Variants in DCBLD1 observed in about 807,000 individuals in gnomAD.
DCBLD1 encodes the protein discoidin, CUB and LCCL domain containing 1, also known as discoidin, CUB and LCCL domain-containing protein 1.
DCBLD1 carries 57 observed loss-of-function variants against 71.5 expected under a neutral mutation model. The observed-to-expected ratio is 0.80, with a 90% confidence interval of 0.64 to 0.99. The LOEUF is 0.99. Among genes scored for constraint, DCBLD1 ranks in the 50% least tolerant of loss-of-function variants. The pLI is 0.00. For synonymous variants in DCBLD1, 380 were observed against 363.8 expected, an observed-to-expected ratio of 1.04 and a Z score of -0.51; for missense variants, 891 against 923.5, an observed-to-expected ratio of 0.96 and a Z score of 0.46.
downstream of DCBLD1, among the ~76,000 whole-genome samples, chr6:117,552,563 T>G (rs1033692683): frequency 6.6e-6 from 1 of 152,218 alleles, no homozygotes; most frequent in Non-Finnish European, 1.5e-5. Context: ...CTTTTTCTTT[T>G]TGCTGTGACA....
intron 1 of DCBLD1, among the ~76,000 whole-genome samples, chr6:117,493,179 T>G (rs374936807): frequency 2.0e-4 from 30 of 152,182 alleles, no homozygotes; most frequent in African/African-American, 7.0e-4. Flanking sequence ...TAAGGAGGGC[T>G]TTTTCAGTCT....
chr6:117,484,485 A>G (rs900583446), intron 1 of DCBLD1, among the ~76,000 whole-genome samples: 25 of 151,972 alleles, frequency 1.6e-4, no homozygotes, highest in Admixed American at 5.9e-4. Context: ...AGTAGCTGAC[A>G]CTACAGGTGC....
intron 13 of DCBLD1, 41 bp downstream of exon 13, chr6:117,544,618 G>A (rs1416506546): frequency 6.2e-7 from 1 of 1,609,684 alleles, no homozygotes. Context: ...CTGTCTTTGA[G>A]GAAGGGACAG....
At chr6:117,510,968 C>A (rs1444956882) in intron 2 of DCBLD1, among the ~76,000 whole-genome samples, 1 of 152,162 alleles carries the variant, frequency 6.6e-6, no homozygotes, top group Non-Finnish European at 1.5e-5. Flanking sequence ...GGTCCTGTTA[C>A]CAACCTTTAC....
intron 9 of DCBLD1, 118 bp downstream of exon 9, chr6:117,539,497 G>A: frequency 8.4e-7 from 1 of 1,188,878 alleles, no homozygotes; most frequent in Non-Finnish European, 1.1e-6. Flanking sequence ...CAAGCATGGT[G>A]GTTCATGCCT....
chr6:117,536,234 T>C (rs1778877363), intron 6 of DCBLD1, among the ~76,000 whole-genome samples: 1 of 152,240 alleles, frequency 6.6e-6, no homozygotes, highest in Admixed American at 6.5e-5. Context: ...CACTCTGAGA[T>C]TGTAAAATAG....
chr6:117,544,646 C>A, intron 13 of DCBLD1, 69 bp downstream of exon 13: 1 of 1,559,284 alleles, frequency 6.4e-7, no homozygotes. Flanking sequence ...TGATTGAAAG[C>A]ATAAGGAGGC....
At position 117,529,464 on chromosome 6, in the gene DCBLD1, A is replaced by G. The variant is rs540258403; in HGVS notation, c.586-2796A>G. Among the ~76,000 whole-genome samples, 25 of 152,212 alleles carry G rather than the reference A, an allele frequency of 1.6e-4. No homozygotes were observed. The South Asian group carries it at 5.0e-3, about 30-fold the overall frequency. ...TACATATGCTAGGTAATATGTACCC[A>G]TGTACATGGGTTAAGTAATATGGCT... On this transcript the variant is annotated intron_variant, in intron 5 of 14. Transcript: ENST00000338728.
rs943841899 is a variant in DCBLD1, at chr6:117,517,750, G to A, written c.326-2066G>A. ...CTTGCACCCTCTGAAGTCCTGGCCCGAGTTCTACGTTGTCCCCTTCCAGCC... is the reference window on the plus strand; with the variant it reads ...CTTGCACCCTCTGAAGTCCTGGCCCAAGTTCTACGTTGTCCCCTTCCAGCC... On this transcript the variant is annotated intron_variant, in intron 2 of 14. Coordinates refer to ENST00000338728, the MANE Select transcript of DCBLD1 (RefSeq NM_001366458.2). Among the ~76,000 whole-genome samples the A allele has an allele frequency of 5.3e-5, 8 of 152,292 alleles. No individual in the cohort carries two copies. The East Asian group carries it at 5.8e-4, about 11-fold the overall frequency.
downstream of DCBLD1, among the ~76,000 whole-genome samples, chr6:117,551,477 T>C (rs1011211301): frequency 1.3e-5 from 2 of 152,078 alleles, no homozygotes; most frequent in African/African-American, 2.4e-5. Context: ...CCTCCCAGGT[T>C]CATGCCATTC....
At chr6:117,500,661 T>C (rs1303943178) in intron 1 of DCBLD1, among the ~76,000 whole-genome samples, 1 of 152,116 alleles carries the variant, frequency 6.6e-6, no homozygotes, top group Non-Finnish European at 1.5e-5. Flanking sequence ...GGTCAGGAGA[T>C]CGAGACCATC....
At chr6:117,563,356 TG>T (rs1382933934) in intron 14 of DCBLD1, 1 of 1,613,692 alleles carries the variant, frequency 6.2e-7, no homozygotes, top group Non-Finnish European at 8.5e-7. Flanking sequence ...CATTTTCATG[TG>T]TGTCAGTTAC....
chr6:117,490,123 A>ACACACACACACC (rs974391077), intron 1 of DCBLD1, among the ~76,000 whole-genome samples: 1 of 147,826 alleles, frequency 6.8e-6, no homozygotes, highest in African/African-American at 2.5e-5. Flanking sequence ...ACACACACAC[A>ACACACACACACC]CCCCTATAGC....
Position 117,548,192 on chromosome 6 carries a change from TCTC to T in DCBLD1, c.1905_1907del (p.Ser636del). On this transcript the variant is annotated inframe_deletion, in exon 15 of 15. Transcript: ENST00000338728. ...CCCCAGCCCGGCCACAAACACTCCC[TCTC>T]CTCGGGCGGCTTCTCCCCCGTAGCG... 3.2e-6 allele frequency: 5 copies of T among 1,550,192 alleles called. No homozygotes were observed. The highest frequency in any genetic ancestry group is 4.4e-6 in the Non-Finnish European group (5 of 1,146,894).
At chr6:117,513,873 A>G (rs1323079399) in intron 2 of DCBLD1, among the ~76,000 whole-genome samples, 1 of 152,166 alleles carries the variant, frequency 6.6e-6, no homozygotes, top group Non-Finnish European at 1.5e-5. Flanking sequence ...ACATTTAAAT[A>G]TAGGTGTAGA....
intron 5 of DCBLD1, among the ~76,000 whole-genome samples, chr6:117,529,470 A>C (rs1778646119): frequency 6.6e-6 from 1 of 152,200 alleles, no homozygotes; most frequent in Non-Finnish European, 1.5e-5. Context: ...ACCCATGTAC[A>C]TGGGTTAAGT....
chr6:117,525,503 T>C (rs1007014439), intron 5 of DCBLD1, 69 bp downstream of exon 5: 4 of 1,169,272 alleles, frequency 3.4e-6, no homozygotes, highest in Admixed American at 2.8e-5. Context: ...CCTAAATTAA[T>C]TACTGAGTAA....
At position 117,519,885 on chromosome 6, in the gene DCBLD1, T is replaced by A; in HGVS notation, c.395T>A (p.Phe132Tyr). 2 of 1,614,168 alleles carry A rather than the reference T, an allele frequency of 1.2e-6. No individual in the cohort carries two copies. The highest frequency in any genetic ancestry group is 1.7e-6 in the Non-Finnish European group (2 of 1,179,998). Residue 132 changes from phenylalanine to tyrosine, a missense_variant, in exon 3 of 15, where the codon TTT (phenylalanine) becomes TAT (tyrosine). By Grantham distance (22) the Phe-to-Tyr change is conservative. Coordinates refer to ENST00000338728, the MANE Select transcript of DCBLD1 (RefSeq NM_001366458.2). ...LLNTSEVTVR[F>Y]ESGSHISGRG... The stretch of plus-strand genomic sequence containing the variant: ...AACACAAGTGAAGTAACCGTCCGCT[T>A]TGAGAGTGGATCCCACATTTCTGGC...
intron 1 of DCBLD1, among the ~76,000 whole-genome samples, chr6:117,500,629 G>A (rs1167719741): frequency 3.3e-5 from 5 of 152,218 alleles, no homozygotes; most frequent in African/African-American, 1.2e-4. Context: ...CACTTTGGGA[G>A]GCCGAGGTGG....
Sources: gnomAD v4.1 joint callset for allele counts (sites outside exome capture counted in the v4.1 genomes callset) on GRCh38, gnomAD v4.1.1 for gene constraint, MANE v1.5 for transcripts, NCBI Gene and HGNC (gene_info 2026-07-23, HGNC 2026-07-21) for gene names.